The following PTPN14 variants were observed in gnomAD, a reference collection of about 807,000 sequenced individuals.
PTPN14 encodes protein tyrosine phosphatase non-receptor type 14, also known as tyrosine-protein phosphatase non-receptor type 14.
In PTPN14, 53 loss-of-function variants were observed where a neutral mutation model predicts 126.8. The ratio of observed to expected loss-of-function variants is 0.42; its 90% CI spans 0.34 to 0.53. PTPN14 has a LOEUF of 0.53. Among genes scored for constraint, PTPN14 ranks in the 20% least tolerant of loss-of-function variants. The pLI is 0.08. For synonymous variants in PTPN14, 630 were observed against 599.3 expected, an observed-to-expected ratio of 1.05 and a Z score of -0.75; for missense variants, 1,257 against 1,552.9, an observed-to-expected ratio of 0.81 and a Z score of 3.20.
Position 214,414,732 on chromosome 1 carries a change from C to T in PTPN14, c.345-6G>A, listed in dbSNP as rs770940332. The T allele has an allele frequency of 6.2e-7, 1 of 1,605,518 alleles. No individual in the cohort carries two copies. The highest frequency in any genetic ancestry group is 8.5e-7 in the Non-Finnish European group (1 of 1,172,264). On this transcript the variant is annotated splice_polypyrimidine_tract_variant and splice_region_variant and intron_variant, in intron 3 of 18. Transcript: ENST00000366956. ...CTTGCAGGTAATACTGATATCTGTT[C>T]ATGGGAATAGAGGAACAAACAACCT...
intron 1 of PTPN14, chr1:214,532,465 TGG>T (rs1348020336): frequency 3.6e-6 from 3 of 835,966 alleles, no homozygotes; most frequent in Non-Finnish European, 6.2e-6. Flanking sequence ...GCCTCCTACC[TGG>T]ACAGACTGAG....
chr1:214,364,780 T>TGTGTGTGTGTGC lies in PTPN14; in HGVS notation c.3272-106_3272-105insGCACACACACAC. The TGTGTGTGTGTGC allele has an allele frequency of 1.3e-6, 1 of 794,632 alleles. No homozygotes were observed. The highest frequency in any genetic ancestry group is 2.0e-6 in the Non-Finnish European group (1 of 512,470). 49.2% of individuals were successfully genotyped at this position (794,632 alleles called of 1,614,324 possible). On this transcript the variant is annotated intron_variant, in intron 17 of 18. Transcript: ENST00000366956. The surrounding 1 kb of genome is among the most constrained non-coding windows in gnomAD (Gnocchi z 4.1). Reference sequence around the variant, plus strand: ...AACTGATGGTGAGTGTGTGTGTGTGTGTGTGTGTGTGTGTGTGTGTGTGTG... The same window carrying TGTGTGTGTGTGC: ...AACTGATGGTGAGTGTGTGTGTGTGTGTGTGTGTGTGCGTGTGTGTGTGTGTGTGTGTGTGTG...
At chr1:214,531,674 A>C (rs1430364360) in intron 1 of PTPN14, 1 of 152,208 alleles carries the variant, frequency 6.6e-6, no homozygotes, top group Non-Finnish European at 1.5e-5. Context: ...CAGGATATTT[A>C]TGGGTCTGTC....
intron 3 of PTPN14, among the ~76,000 whole-genome samples, chr1:214,443,603 G>A (rs1309028410): frequency 6.6e-6 from 1 of 152,102 alleles, no homozygotes; most frequent in Non-Finnish European, 1.5e-5. Flanking sequence ...ATGCATGTAT[G>A]AGGAACAGGA....
At chr1:214,512,378 C>CA (rs773198857) in intron 1 of PTPN14, among the ~76,000 whole-genome samples, 124 of 152,282 alleles carry the variant, frequency 8.1e-4, no homozygotes, top group Non-Finnish European at 7.2e-4. Flanking sequence ...TAGGGTTTGG[C>CA]ATGCTCCTTC....
At chr1:214,459,184 T>C (rs1215597300) in intron 2 of PTPN14, among the ~76,000 whole-genome samples, 2 of 147,858 alleles carry the variant, frequency 1.4e-5, no homozygotes, top group African/African-American at 5.0e-5. Context: ...TCTCACTCTG[T>C]CACCCAGGCT....
chr1:214,471,573 G>A (rs1216473602), intron 1 of PTPN14, among the ~76,000 whole-genome samples: 1 of 152,182 alleles, frequency 6.6e-6, no homozygotes, highest in Non-Finnish European at 1.5e-5. Flanking sequence ...GTTGTGCAAA[G>A]AGGAAATTGA....
rs965276530 is a variant in PTPN14 at position 214,383,035 on chromosome 1, A to G, written c.2544+276T>C. 1.3e-5 allele frequency among the ~76,000 whole-genome samples: 2 copies of G among 152,216 alleles called. No homozygotes were observed. The highest frequency in any genetic ancestry group is 2.9e-5 in the Non-Finnish European group (2 of 68,042). On this transcript the variant is annotated intron_variant, in intron 13 of 18. Transcript: ENST00000366956. The surrounding 1 kb of genome is among the most constrained non-coding windows in gnomAD (Gnocchi z 4.4). ...AACTTCCCCAATACCAGCTTACCCA[A>G]TTGGAAGTCTGAGCTTTGAATAAAC...
At chr1:214,467,957 G>T (rs150523934) in intron 1 of PTPN14, among the ~76,000 whole-genome samples, 30 of 152,188 alleles carry the variant, frequency 2.0e-4, no homozygotes, top group East Asian at 1.5e-3. Context: ...AGGAGGGGGA[G>T]GCCGTACAGG....
intron 1 of PTPN14, among the ~76,000 whole-genome samples, chr1:214,522,691 C>T (rs1402979541): frequency 6.6e-6 from 1 of 152,104 alleles, no homozygotes; most frequent in Non-Finnish European, 1.5e-5. Context: ...CAATTCAAGG[C>T]CGTTTTAAAT....
At chr1:214,405,307 A>G (rs1437414962) in intron 5 of PTPN14, among the ~76,000 whole-genome samples, 1 of 152,010 alleles carries the variant, frequency 6.6e-6, no homozygotes, top group African/African-American at 2.4e-5. Flanking sequence ...TGCATTTCTT[A>G]CACAGTTATG....
intron 2 of PTPN14, among the ~76,000 whole-genome samples, 168 bp from the exon 3 acceptor site, chr1:214,452,142 A>C (rs1660285894): frequency 6.6e-6 from 1 of 152,206 alleles, no homozygotes; most frequent in African/African-American, 2.4e-5. Context: ...AACCACAACC[A>C]CACACTACTG....
chr1:214,480,941 G>A (rs987409883), intron 1 of PTPN14, among the ~76,000 whole-genome samples: 8 of 152,098 alleles, frequency 5.3e-5, no homozygotes, highest in Non-Finnish European at 1.0e-4. Flanking sequence ...GGGAAGAGAA[G>A]AGCCCACACA....
chr1:214,409,741 AGT>A (rs1306554951), intron 5 of PTPN14, among the ~76,000 whole-genome samples: 14 of 44,372 alleles, frequency 3.2e-4, no homozygotes, highest in East Asian at 1.5e-3. Context: ...CCTCATGCTC[AGT>A]AAGACTTTAC....
intron 8 of PTPN14, among the ~76,000 whole-genome samples, chr1:214,395,266 C>G (rs1211978349): frequency 1.3e-5 from 2 of 152,098 alleles, no homozygotes; most frequent in African/African-American, 2.4e-5. Context: ...TTTTACTTCT[C>G]CCTCTCCCAT....
chr1:214,459,373 G>A (rs1049932313), intron 2 of PTPN14, among the ~76,000 whole-genome samples: 4 of 150,788 alleles, frequency 2.7e-5, no homozygotes, highest in Non-Finnish European at 5.9e-5. Context: ...GGCTGGTCTC[G>A]AACTCCTGAC....
At chr1:214,388,596 C>T (rs915526253) in intron 11 of PTPN14, among the ~76,000 whole-genome samples, 8 of 151,926 alleles carry the variant, frequency 5.3e-5, no homozygotes, top group South Asian at 2.1e-4. Context: ...TTAGTAGAGA[C>T]GGGGTTTCAC....
intron 7 of PTPN14, 140 bp downstream of exon 7, chr1:214,401,545 T>A (rs989563226): frequency 1.4e-6 from 1 of 699,926 alleles, no homozygotes; most frequent in African/African-American, 1.8e-5. Flanking sequence ...TGTTTATCTA[T>A]AATAAATTGG....
intron 7 of PTPN14, among the ~76,000 whole-genome samples, chr1:214,398,308 T>C (rs1344624039): frequency 2.6e-5 from 4 of 152,198 alleles, no homozygotes; most frequent in East Asian, 3.9e-4. Context: ...GGATAGAGTA[T>C]AATGGTGGTT....
Sources: allele counts gnomAD v4.1 joint callset (sites outside exome capture counted in the v4.1 genomes callset), GRCh38; gene constraint gnomAD v4.1.1; non-coding constraint Gnocchi (gnomAD v3.1); transcripts MANE v1.5; gene names NCBI Gene and HGNC (gene_info 2026-07-23, HGNC 2026-07-21).